The following LINGO2 variants were observed in gnomAD, a reference collection of about 807,000 sequenced individuals.
LINGO2 encodes the protein leucine rich repeat and Ig domain containing 2.
A neutral mutation model predicts 30.6 loss-of-function variants in LINGO2; 14 were observed. The observed-to-expected ratio is 0.46, with a 90% CI of 0.30 to 0.72. LINGO2 has a LOEUF of 0.72. Among genes scored for constraint, LINGO2 ranks in the 30% least tolerant of loss-of-function variants. LINGO2 has a pLI of 0.07. For synonymous variants in LINGO2, 317 were observed against 288.5 expected, an observed-to-expected ratio of 1.10 and a Z score of -1.00; for missense variants, 729 against 751.7, an observed-to-expected ratio of 0.97 and a Z score of 0.35.
At chr9:28,861,027 A>G in the LINGO2 span, among the ~76,000 whole-genome samples, 4 of 126,990 alleles carry the variant, frequency 3.1e-5, no homozygotes, top group East Asian at 8.8e-4. Context: ...TATATTATAT[A>G]ATACATATTA....
chr9:27,949,297 T>G, exon 6 of LINGO2: 1 of 1,614,092 alleles, frequency 6.2e-7, no homozygotes. Flanking sequence ...ACGGTGGCTC[T>G]TCCATTGGAC....
At chr9:28,763,443 G>A in the LINGO2 span, among the ~76,000 whole-genome samples, 2 of 151,746 alleles carry the variant, frequency 1.3e-5, no homozygotes, top group Non-Finnish European at 2.9e-5. Context: ...ATAATCACTG[G>A]GTTAAAAAGG....
At chr9:29,106,376 T>C in the LINGO2 span, among the ~76,000 whole-genome samples, 1 of 152,110 alleles carries the variant, frequency 6.6e-6, no homozygotes, top group Non-Finnish European at 1.5e-5. Flanking sequence ...ATCATCTCCA[T>C]TTTTCAGATG....
At chr9:28,365,372 T>C (rs1222041495) in intron 3 of LINGO2, among the ~76,000 whole-genome samples, 1 of 152,298 alleles carries the variant, frequency 6.6e-6, no homozygotes, top group Admixed American at 6.5e-5. Flanking sequence ...TGCCTGGGTA[T>C]TGGGTAACCA....
the LINGO2 span, among the ~76,000 whole-genome samples, chr9:28,924,707 C>G: frequency 6.6e-6 from 1 of 152,106 alleles, no homozygotes; most frequent in African/African-American, 2.4e-5. Flanking sequence ...ATTTAAAAAG[C>G]TTTTTTATAG....
At chr9:28,332,611 G>T (rs1825462931) in intron 3 of LINGO2, among the ~76,000 whole-genome samples, 1 of 151,882 alleles carries the variant, frequency 6.6e-6, no homozygotes, top group African/African-American at 2.4e-5. Context: ...GGGGGAATGG[G>T]GAAAAGGTTT....
intron 3 of LINGO2, among the ~76,000 whole-genome samples, chr9:28,345,270 A>G (rs557677766): frequency 4.6e-5 from 7 of 152,154 alleles, no homozygotes; most frequent in Admixed American, 6.6e-5. Flanking sequence ...TTTAATTCAT[A>G]TATTTTTTTC....
chr9:28,797,359 T>TATATAGAGAGAG, the LINGO2 span, among the ~76,000 whole-genome samples: 84 of 34,214 alleles, frequency 2.5e-3, 1 homozygote, highest in East Asian at 4.8e-3. Context: ...TATATATATA[T>TATATAGAGAGAG]AGAGAGAGAG....
the LINGO2 span, among the ~76,000 whole-genome samples, chr9:29,155,107 TTTA>T: frequency 6.6e-6 from 1 of 152,178 alleles, no homozygotes; most frequent in African/African-American, 2.4e-5. Flanking sequence ...TTTTTTTCTT[TTTA>T]TTATTATTCT....
rs1826217263 is a variant in LINGO2 at position 28,487,483 on chromosome 9, T to C, written c.-364-11458A>G. 2.0e-5 allele frequency among the ~76,000 whole-genome samples: 3 copies of C among 152,282 alleles called. No individual in the cohort carries two copies. The South Asian group carries it at 6.2e-4, about 32-fold the overall frequency. ...ATGCCAAAATTTTAAAGGAAATTTA[T>C]CTGAAAACCTTTGAAAGCCACATTT... On this transcript the variant is annotated intron_variant, in intron 1 of 5. Coordinates refer to ENST00000379992, the Ensembl canonical transcript of LINGO2.
chr9:28,223,833 A>G (rs1318525936), intron 4 of LINGO2, among the ~76,000 whole-genome samples: 2 of 152,194 alleles, frequency 1.3e-5, no homozygotes, highest in Non-Finnish European at 2.9e-5. Flanking sequence ...TTGGATGCAT[A>G]TTGAAATACC....
intron 5 of LINGO2, among the ~76,000 whole-genome samples, chr9:27,965,423 G>GAAA (rs541881326): frequency 3.4e-4 from 47 of 138,274 alleles, no homozygotes; most frequent in African/African-American, 1.1e-3. Context: ...TTTAAAAATA[G>GAAA]AAAAAAAAAA....
intron 1 of LINGO2, among the ~76,000 whole-genome samples, chr9:28,552,415 C>T (rs1034328256): frequency 2.0e-5 from 3 of 152,076 alleles, no homozygotes; most frequent in Non-Finnish European, 2.9e-5. Context: ...ATAACTCATA[C>T]TGTCTCATCA....
At chr9:29,205,494 T>C in the LINGO2 span, among the ~76,000 whole-genome samples, 1 of 152,206 alleles carries the variant, frequency 6.6e-6, no homozygotes, top group Admixed American at 6.5e-5. Flanking sequence ...ATTAATAATG[T>C]TTACATCTAT....
At chr9:29,125,511 T>A in the LINGO2 span, among the ~76,000 whole-genome samples, 1 of 152,128 alleles carries the variant, frequency 6.6e-6, no homozygotes, top group African/African-American at 2.4e-5. Context: ...CAAAATTTGA[T>A]AAATCCACAG....
chr9:29,154,154 C>G, the LINGO2 span, among the ~76,000 whole-genome samples: 2 of 152,068 alleles, frequency 1.3e-5, no homozygotes, highest in Admixed American at 1.3e-4. Context: ...TCTTAAAAAT[C>G]TCACAAGGGG....
At chr9:28,496,872 A>T (rs1819652243) in intron 1 of LINGO2, among the ~76,000 whole-genome samples, 1 of 152,156 alleles carries the variant, frequency 6.6e-6, no homozygotes, top group Non-Finnish European at 1.5e-5. Context: ...AAAATCTCTC[A>T]ACATTTGCTT....
intron 4 of LINGO2, among the ~76,000 whole-genome samples, chr9:28,028,848 T>C (rs930018797): frequency 2.6e-5 from 4 of 152,122 alleles, no homozygotes; most frequent in African/African-American, 9.7e-5. Context: ...GGAAAGCATA[T>C]ATATAAGTAT....
intron 4 of LINGO2, among the ~76,000 whole-genome samples, chr9:28,198,477 A>C (rs989925976): frequency 2.0e-5 from 3 of 152,172 alleles, no homozygotes; most frequent in Admixed American, 6.5e-5. Flanking sequence ...TTGCTTTTCA[A>C]TTTCTTTCCT....
Sources: gnomAD v4.1 joint callset for allele counts (sites outside exome capture counted in the v4.1 genomes callset) on GRCh38, gnomAD v4.1.1 for gene constraint, MANE v1.5 for transcripts, NCBI Gene and HGNC (gene_info 2026-07-23, HGNC 2026-07-21) for gene names.